Variants in ERN1 observed in about 807,000 individuals in gnomAD.
ERN1 encodes endoplasmic reticulum to nucleus signaling 1, also known as serine/threonine-protein kinase/endoribonuclease IRE1.
In ERN1, 39 loss-of-function variants were observed where a neutral mutation model predicts 113.1. The observed-to-expected ratio is 0.34, with a 90% CI of 0.27 to 0.45. The LOEUF (loss-of-function observed/expected upper bound fraction) is 0.45. ERN1 is among the 20% of genes least tolerant of loss of function. ERN1 has a pLI of 1.00. For synonymous variants in ERN1, 507 were observed against 515.9 expected, an observed-to-expected ratio of 0.98 and a Z score of 0.23; for missense variants, 976 against 1,274.8, an observed-to-expected ratio of 0.77 and a Z score of 3.57.
intron 1 of ERN1, among the ~76,000 whole-genome samples, chr17:64,120,090 CG>C (rs1488141783): frequency 1.3e-5 from 2 of 151,988 alleles, no homozygotes; most frequent in Non-Finnish European, 2.9e-5. Context: ...GAAAAGATGC[CG>C]GCCCCCACTC....
chr17:64,125,113 T>G (rs929921813), intron 1 of ERN1, among the ~76,000 whole-genome samples: 1 of 152,188 alleles, frequency 6.6e-6, no homozygotes, highest in Non-Finnish European at 1.5e-5. Flanking sequence ...TTTAAATGGG[T>G]GAATTGTGAT....
At chr17:64,098,380 T>C in intron 1 of ERN1, 139 bp from the exon 2 acceptor site, 1 of 1,098,592 alleles carries the variant, frequency 9.1e-7, no homozygotes. Flanking sequence ...GTGGAGAGCC[T>C]AAATTCCCAC....
chr17:64,105,399 AAATAAT>A (rs767661439), intron 1 of ERN1, among the ~76,000 whole-genome samples: 2 of 152,270 alleles, frequency 1.3e-5, no homozygotes, highest in South Asian at 4.1e-4. Context: ...ATAAGCTTAA[AAATAAT>A]AATAATAAAA....
At chr17:64,073,381 T>C (rs1467877837) in intron 5 of ERN1, among the ~76,000 whole-genome samples, 1 of 148,654 alleles carries the variant, frequency 6.7e-6, no homozygotes, top group Admixed American at 6.8e-5. Flanking sequence ...TTCACCGTGT[T>C]AGTCAGGATG....
chr17:64,094,858 T>C (rs2143446875), intron 2 of ERN1, among the ~76,000 whole-genome samples: 1 of 152,276 alleles, frequency 6.6e-6, no homozygotes, highest in South Asian at 2.1e-4. Flanking sequence ...GTTTTCCCAC[T>C]AGAATGAAAG....
At chr17:64,129,196 T>C (rs1261790505) in intron 1 of ERN1, 1 of 152,120 alleles carries the variant, frequency 6.6e-6, no homozygotes, top group Non-Finnish European at 1.5e-5. Flanking sequence ...CCAGGCCCTA[T>C]CATTCGTCTC....
chr17:64,043,235 AGATGG>A lies in ERN1; in HGVS notation c.*748_*752del, dbSNP rs1912396059. The A allele has an allele frequency of 6.5e-6, 1 of 152,802 alleles. No individual in the cohort carries two copies. The highest frequency in any genetic ancestry group is 1.5e-5 in the Non-Finnish European group (1 of 68,464). 9.5% of individuals were successfully genotyped at this position (152,802 alleles called of 1,614,324 possible). On this transcript the variant is annotated 3_prime_UTR_variant, in exon 22 of 22. Transcript: ENST00000433197. ...CCAGGCGCTCCTGAGCACCACCCCG[AGATGG>A]CCCGGGACACACCCACCAAAGGCCA...
chr17:64,100,769 G>A (rs1308669302), intron 1 of ERN1, among the ~76,000 whole-genome samples: 1 of 152,076 alleles, frequency 6.6e-6, no homozygotes, highest in Non-Finnish European at 1.5e-5. Flanking sequence ...GTGACAGAGT[G>A]AGACTCTGTC....
chr17:64,045,627 T>A, intron 19 of ERN1, 145 bp from the exon 20 acceptor site: 2 of 912,384 alleles, frequency 2.2e-6, no homozygotes, highest in South Asian at 1.5e-5. Context: ...CCCTCCCTCA[T>A]CCATGACTTT....
intron 11 of ERN1, 63 bp from the exon 12 acceptor site, chr17:64,058,056 C>T: frequency 7.8e-7 from 1 of 1,274,944 alleles, no homozygotes; most frequent in Non-Finnish European, 1.1e-6. Context: ...ATGAGGCCAG[C>T]AATCAAGAGA....
At position 64,054,663 on chromosome 17, in the gene ERN1, C is replaced by A; in HGVS notation, c.1763+75G>T. On this transcript the variant is annotated intron_variant, in intron 14 of 21. Coordinates refer to ENST00000433197, the MANE Select transcript of ERN1 (RefSeq NM_001433.5). The surrounding 1 kb of genome is among the most constrained non-coding windows in gnomAD (Gnocchi z 4.9). ...GCTTTGACCCTGCTGTGCTCTGAGC[C>A]TGGCACCAGGCTCGCAACCTGACAG... is the stretch of plus-strand genomic sequence containing the variant. The A allele has an allele frequency of 7.9e-7, 1 of 1,259,308 alleles. No homozygotes were observed. The highest frequency in any genetic ancestry group is 1.1e-6 in the Non-Finnish European group (1 of 893,520). The allele number at this position is 1,259,308 out of a possible 1,614,324, so 78.0% of individuals were successfully genotyped here. A position where few individuals can be genotyped will look rare whatever the true frequency, so the allele number is the denominator to read the frequency against.
chr17:64,072,599 AC>A (rs1457351709), intron 5 of ERN1, among the ~76,000 whole-genome samples: 2 of 152,226 alleles, frequency 1.3e-5, no homozygotes, highest in Admixed American at 1.3e-4. Flanking sequence ...AGTACCTGGG[AC>A]TGGTCAGTGG....
intron 6 of ERN1, among the ~76,000 whole-genome samples, chr17:64,070,847 C>G (rs1567869410): frequency 6.6e-6 from 1 of 152,198 alleles, no homozygotes; most frequent in Non-Finnish European, 1.5e-5. Flanking sequence ...GTGTGAGGTG[C>G]TGCACATATG....
In ERN1 at chr17:64,049,005, C is replaced by T. The variant is rs1189040115; in HGVS notation, c.2401+50G>A. On this transcript the variant is annotated intron_variant, in intron 18 of 21. Coordinates refer to ENST00000433197, the MANE Select transcript of ERN1 (RefSeq NM_001433.5). The surrounding 1 kb of genome is among the most constrained non-coding windows in gnomAD (Gnocchi z 4.7). Reference sequence around the variant, plus strand: ...GCACCAGCCCAGCTCTGCAGGGCCACCTGAGGCAGCTGAGGAGCTGCTCCC... The same window carrying T: ...GCACCAGCCCAGCTCTGCAGGGCCATCTGAGGCAGCTGAGGAGCTGCTCCC... 2 of 1,495,676 alleles carry T rather than the reference C, an allele frequency of 1.3e-6. No individual in the cohort carries two copies. The allele number at this position is 1,495,676 out of a possible 1,614,324, so 92.7% of individuals were successfully genotyped here. A position where few individuals can be genotyped will look rare whatever the true frequency, so the allele number is the denominator to read the frequency against.
In ERN1 at chr17:64,108,891, C is replaced by A. The variant is rs112728840; in HGVS notation, c.55-10650G>T. ...TAATCCCAGCACTTTGGGAGGCCAA[C>A]GCAGGTGGATCACCTGAGGTCAGGA... is the stretch of plus-strand genomic sequence containing the variant. On this transcript the variant is annotated intron_variant, in intron 1 of 21. Transcript: ENST00000433197. 1.2e-4 allele frequency among the ~76,000 whole-genome samples: 19 copies of A among 152,136 alleles called. No homozygotes were observed. In the East Asian group the frequency reaches 3.7e-3, roughly 29 times the overall value.
At chr17:64,095,307 T>TA (rs1180859272) in intron 2 of ERN1, among the ~76,000 whole-genome samples, 1 of 152,068 alleles carries the variant, frequency 6.6e-6, no homozygotes, top group Non-Finnish European at 1.5e-5. Flanking sequence ...CGCATGCCTG[T>TA]AATCCAAGCT....
At chr17:64,102,751 A>T (rs1300114349) in intron 1 of ERN1, 1 of 985,294 alleles carries the variant, frequency 1.0e-6, no homozygotes, top group African/African-American at 1.7e-5. Context: ...CTCAGTGCTC[A>T]CTTTTCTCTA....
At position 64,040,596 on chromosome 17, in the gene ERN1, G is replaced by C. The variant is rs1186708550; in HGVS notation, c.*3392C>G. On this transcript the variant is annotated 3_prime_UTR_variant, in exon 22 of 22. Transcript: ENST00000433197. ...AACTCTGATAAGGCCCTTTCTTCTA[G>C]AGTTGGTGGGAAGAAACTCTGCTGG... 1 of 152,174 alleles carries C rather than the reference G, an allele frequency of 6.6e-6. No homozygotes were observed. The highest frequency in any genetic ancestry group is 2.4e-5 in the African/African-American group (1 of 41,436). The allele number at this position is 152,174 out of a possible 1,614,324, so 9.4% of individuals were successfully genotyped here. A position where few individuals can be genotyped will look rare whatever the true frequency, so the allele number is the denominator to read the frequency against.
At chr17:64,116,985 G>A (rs573588271) in intron 1 of ERN1, among the ~76,000 whole-genome samples, 1 of 150,970 alleles carries the variant, frequency 6.6e-6, no homozygotes, top group South Asian at 2.1e-4. Flanking sequence ...TGTGGCGTGT[G>A]CCTGTATTCC....
Sources: gnomAD v4.1 joint callset for allele counts (sites outside exome capture counted in the v4.1 genomes callset) on GRCh38, gnomAD v4.1.1 for gene constraint, Gnocchi (gnomAD v3.1) non-coding constraint, MANE v1.5 for transcripts, NCBI Gene and HGNC (gene_info 2026-07-23, HGNC 2026-07-21) for gene names.